The following ANKRD35 variants were observed in gnomAD, a reference collection of about 807,000 sequenced individuals.
ANKRD35 encodes the protein ankyrin repeat domain 35, also known as ankyrin repeat domain-containing protein 35.
A neutral mutation model predicts 109.9 loss-of-function variants in ANKRD35; 102 were observed. That is an observed-to-expected ratio of 0.93 (90% CI 0.79 to 1.09). The LOEUF (loss-of-function observed/expected upper bound fraction) is 1.09. Ranked by LOEUF, ANKRD35 falls within the 50% of genes least tolerant of loss-of-function variation. ANKRD35 has a pLI of 0.00. For synonymous variants in ANKRD35, 515 were observed against 512.4 expected, an observed-to-expected ratio of 1.01 and a Z score of -0.07; for missense variants, 1,240 against 1,230.1, an observed-to-expected ratio of 1.01 and a Z score of -0.12.
chr1:145,881,479 C>T (rs1553741086), intron 1 of ANKRD35, among the ~76,000 whole-genome samples: 1 of 152,198 alleles, frequency 6.6e-6, no homozygotes, highest in African/African-American at 2.4e-5. Flanking sequence ...CAGGTTAACT[C>T]TCAAAGGACA....
intron 3 of ANKRD35, among the ~76,000 whole-genome samples, 157 bp downstream of exon 3, chr1:145,878,234 C>T (rs782642913): frequency 5.3e-5 from 8 of 152,024 alleles, no homozygotes; most frequent in Non-Finnish European, 1.0e-4. Context: ...GCCCAGCTTA[C>T]GGGGAGGGGA....
At chr1:145,871,352 C>A (rs1266099465) in intron 10 of ANKRD35, among the ~76,000 whole-genome samples, 1 of 151,444 alleles carries the variant, frequency 6.6e-6, no homozygotes, top group Non-Finnish European at 1.5e-5. Flanking sequence ...TAGTGGAGAC[C>A]GGGTTTCACC....
Position 145,873,336 on chromosome 1 carries a change from G to C in ANKRD35, c.1433C>G (p.Thr478Arg). The C allele has an allele frequency of 6.2e-7, 1 of 1,614,212 alleles. No individual in the cohort carries two copies. The highest frequency in any genetic ancestry group is 8.5e-7 in the Non-Finnish European group (1 of 1,180,026). Reference sequence around the variant, plus strand: ...TGCTGGGCCCACTGGTTCAGCCACTGTGCCTCCTGGTTCAACTCCTAGAAC... The same window carrying C: ...TGCTGGGCCCACTGGTTCAGCCACTCTGCCTCCTGGTTCAACTCCTAGAAC... ...SQVLGVEPGGTVAEPVGPAAM... is the reference protein window; with the variant it reads ...SQVLGVEPGGRVAEPVGPAAM... The change falls in exon 10 of 14, where the codon ACA (threonine) becomes AGA (arginine). Residue 478 changes from threonine (T) to arginine (R), a missense_variant. Physicochemically the swap from Thr to Arg is moderately conservative, Grantham distance 71 (BLOSUM62 -1). Transcript: ENST00000355594.
rs1653850546 is a variant in ANKRD35 at position 145,872,163 on chromosome 1, C to T, written c.2606G>A (p.Arg869Gln). The T allele has an allele frequency of 2.5e-6, 4 of 1,609,448 alleles. No individual in the cohort carries two copies. Among genetic ancestry groups the T allele is most frequent in the Non-Finnish European group, 3.4e-6 (4 of 1,178,006 alleles). The change falls in exon 10 of 14, where the codon CGG (arginine) becomes CAG (glutamine). Residue 869 changes from arginine to glutamine, a missense_variant. Physicochemically the swap from Arg to Gln is conservative, Grantham distance 43. Coordinates refer to ENST00000355594, the MANE Select transcript of ANKRD35 (RefSeq NM_144698.5). ...CTCCTCGGCCACCGCCTCCCGCAGC[C>T]GACCCACTTCCCGGCAGGCCGTATT... ...KYNTACREVG[R>Q]LREAVAEERR...
At chr1:145,878,115 C>A in intron 3 of ANKRD35, 83 bp from the exon 4 acceptor site, 3 of 1,288,448 alleles carry the variant, frequency 2.3e-6, no homozygotes, top group South Asian at 1.2e-5. Flanking sequence ...AAGAGACGCA[C>A]AGATAATCAG....
rs782338029 is a variant in ANKRD35 at position 145,873,024 on chromosome 1, T to G, written c.1745A>C (p.Glu582Ala). ...KAAPGSIKQD[E>A]EKEKRVPGAQ... ...CCCAGGAACCCTTTTCTCCTTCTCT[T>G]CATCCTGTTTGATGCTCCCTGGGGC... The change falls in exon 10 of 14, where the codon GAA (glutamate) becomes GCA (alanine). Residue 582 changes from glutamate to alanine, a missense_variant. Transcript: ENST00000355594. The G allele has an allele frequency of 2.5e-6, 4 of 1,611,318 alleles. No individual in the cohort carries two copies. Among genetic ancestry groups the G allele is most frequent in the Non-Finnish European group, 3.4e-6 (4 of 1,178,868 alleles).
chr1:145,885,842 G>A lies in ANKRD35; in HGVS notation c.-84C>T. 1.9e-6 allele frequency: 2 copies of A among 1,065,092 alleles called. No homozygotes were observed. Among genetic ancestry groups the A allele is most frequent in the Non-Finnish European group, 2.9e-6 (2 of 689,374 alleles). The allele number at this position is 1,065,092 out of a possible 1,614,324, so 66.0% of individuals were successfully genotyped here. A position where few individuals can be genotyped will look rare whatever the true frequency, so the allele number is the denominator to read the frequency against. On this transcript the variant is annotated 5_prime_UTR_variant, in exon 1 of 14. Transcript: ENST00000355594. ...GAACCCACCGGACTTGGCTGCGGCTGTGCAAGAGACAGCTGTCAAAAAGCA... is the reference window on the plus strand; with the variant it reads ...GAACCCACCGGACTTGGCTGCGGCTATGCAAGAGACAGCTGTCAAAAAGCA...
rs1553739352 is a variant in ANKRD35 at position 145,873,418 on chromosome 1, T to C, written c.1351A>G (p.Thr451Ala). Residue 451 changes from threonine to alanine, a missense_variant, in exon 10 of 14, where the codon ACC becomes GCC. By Grantham distance (58) the Thr-to-Ala change is moderately conservative. Transcript: ENST00000355594. Reference protein sequence around the residue: ...GQQLTTNGAQTFGPDHADQLP... With the variant: ...GQQLTTNGAQAFGPDHADQLP... ...TGGTCAGCATGATCAGGGCCAAAGG[T>C]CTGTGCCCCATTGGTAGTCAGTTGC... is the stretch of plus-strand genomic sequence containing the variant. 3 of 1,614,050 alleles carry C rather than the reference T, an allele frequency of 1.9e-6. No homozygotes were observed. The highest frequency in any genetic ancestry group is 2.5e-6 in the Non-Finnish European group (3 of 1,179,972).
At chr1:145,877,875 G>T in intron 4 of ANKRD35, 93 bp downstream of exon 4, 2 of 1,266,964 alleles carry the variant, frequency 1.6e-6, no homozygotes, top group Non-Finnish European at 2.3e-6. Context: ...GAGTACATTT[G>T]GCCAACTATT....
Position 145,885,808 on chromosome 1 carries a change from C to G in ANKRD35, c.-50G>C. On this transcript the variant is annotated 5_prime_UTR_variant, in exon 1 of 14. Coordinates refer to ENST00000355594, the MANE Select transcript of ANKRD35 (RefSeq NM_144698.5). ...TGGGGACGCGCAGAGAGCCGGGCCA[C>G]AGGTTCCCGAACCCACCGGACTTGG... The G allele has an allele frequency of 1.4e-6, 2 of 1,456,200 alleles. No individual in the cohort carries two copies. Among genetic ancestry groups the G allele is most frequent in the South Asian group, 1.1e-5 (1 of 87,358 alleles). 90.2% of individuals were successfully genotyped at this position (1,456,200 alleles called of 1,614,324 possible).
rs1654433926 is a variant in ANKRD35 at position 145,885,251 on chromosome 1, C to A, written c.39+469G>T. Among the ~76,000 whole-genome samples, 4 of 152,092 alleles carry A rather than the reference C, an allele frequency of 2.6e-5. No individual in the cohort carries two copies. In the South Asian group the frequency reaches 8.3e-4, roughly 32 times the overall value. On this transcript the variant is annotated intron_variant, in intron 1 of 13. Transcript: ENST00000355594. ...TGCTTGTTGAACTAACAGGAAACAG[C>A]AAGGATAGAGCTACGTGGAAGGCAA...
chr1:145,876,725 G>T (rs1427585912), intron 5 of ANKRD35, 86 bp from the exon 6 acceptor site: 1 of 1,608,478 alleles, frequency 6.2e-7, no homozygotes, highest in African/African-American at 1.3e-5. Context: ...CCATTTCATT[G>T]GTTGGCCCTG....
intron 10 of ANKRD35, 140 bp downstream of exon 10, chr1:145,871,842 T>C: frequency 9.3e-7 from 1 of 1,072,218 alleles, no homozygotes; most frequent in Non-Finnish European, 1.3e-6. Context: ...AGTAGTGTGG[T>C]CCCTGCAAAG....
intron 7 of ANKRD35, 38 bp from the exon 8 acceptor site, chr1:145,875,044 A>G: frequency 6.5e-7 from 1 of 1,543,502 alleles, no homozygotes; most frequent in East Asian, 2.3e-5. Context: ...GACTTTCCAC[A>G]TGGAACCCAG....
intron 7 of ANKRD35, 143 bp from the exon 8 acceptor site, chr1:145,875,149 C>CTTTT: frequency 5.7e-6 from 3 of 530,260 alleles, no homozygotes; most frequent in Non-Finnish European, 8.8e-6. Context: ...CTAGACTTCT[C>CTTTT]TTTTTTTTTT....
chr1:145,876,980 G>A, intron 4 of ANKRD35, 107 bp from the exon 5 acceptor site: 1 of 1,151,924 alleles, frequency 8.7e-7, no homozygotes, highest in Non-Finnish European at 1.3e-6. Flanking sequence ...AGGGGCAGGA[G>A]GTCCACTTTG....
intron 7 of ANKRD35, among the ~76,000 whole-genome samples, chr1:145,875,610 G>A (rs1553739903): frequency 1.3e-5 from 2 of 148,786 alleles, no homozygotes; most frequent in Admixed American, 6.7e-5. Context: ...GTGCAGTGGT[G>A]CAATCTCGGC....
At position 145,867,993 on chromosome 1, in the gene ANKRD35, G is replaced by C; in HGVS notation, c.2941C>G (p.Arg981Gly). The change falls in exon 12 of 14, where the codon CGG (arginine) becomes GGG (glycine). Residue 981 changes from arginine (R) to glycine (G), a missense_variant and splice_region_variant. Physicochemically the swap from Arg to Gly is moderately radical, Grantham distance 125. Coordinates refer to ENST00000355594, the MANE Select transcript of ANKRD35 (RefSeq NM_144698.5). ...CCTCAAAACTCCACCATGCTCACCC[G>C]AGCAGCATTCAGTAGATGATTCCTG... Reference protein sequence around the residue: ...TYRNHLLNAARGYMEHEVYNI... With the variant: ...TYRNHLLNAAGGYMEHEVYNI... 6.2e-7 allele frequency: 1 copy of C among 1,614,012 alleles called. No homozygotes were observed. The highest frequency in any genetic ancestry group is 8.5e-7 in the Non-Finnish European group (1 of 1,179,942).
At position 145,871,902 on chromosome 1, in the gene ANKRD35, G is replaced by T. The variant is rs797042340; in HGVS notation, c.2787+80C>A. The T allele has an allele frequency of 3.9e-6, 6 of 1,546,308 alleles. No homozygotes were observed. In the African/African-American group the frequency reaches 5.4e-5, roughly 14 times the overall value. ...AATCTGACCCACTGCTGCAATAAAG[G>T]TTGCTGGATTCAGGTTAGTAAACTC... On this transcript the variant is annotated intron_variant, in intron 10 of 13. Transcript: ENST00000355594.
Sources: allele counts gnomAD v4.1 joint callset (sites outside exome capture counted in the v4.1 genomes callset), GRCh38; gene constraint gnomAD v4.1.1; transcripts MANE v1.5; gene names NCBI Gene and HGNC (gene_info 2026-07-23, HGNC 2026-07-21).